RCOR3: variants seen among roughly 807,000 people sequenced by gnomAD.
RCOR3 encodes the protein REST corepressor 3.
RCOR3 carries 13 observed loss-of-function variants against 64.1 expected under a neutral mutation model. The observed-to-expected ratio is 0.20, with a 90% CI of 0.13 to 0.32. RCOR3 has a LOEUF of 0.32. Among genes scored for constraint, RCOR3 ranks in the 10% least tolerant of loss-of-function variants. The pLI is 1.00. For missense variants in RCOR3, 489 were observed against 701.2 expected, an observed-to-expected ratio of 0.70 and a Z score of 3.42; for synonymous variants, 215 against 239.0, an observed-to-expected ratio of 0.90 and a Z score of 0.93.
chr1:211,263,709 C>G (rs1403568955), intron 2 of RCOR3, among the ~76,000 whole-genome samples: 1 of 152,070 alleles, frequency 6.6e-6, no homozygotes, highest in Non-Finnish European at 1.5e-5. Context: ...CTATTTTATT[C>G]TTATTTATAA....
At chr1:211,276,536 G>A (rs552754171) in intron 5 of RCOR3, 118 bp downstream of exon 5, 8 of 900,654 alleles carry the variant, frequency 8.9e-6, no homozygotes, top group South Asian at 7.8e-5. Flanking sequence ...AAAACTATTT[G>A]TAAGTAGGTA....
intron 5 of RCOR3, 53 bp downstream of exon 5, chr1:211,276,471 AC>A (rs1696967521): frequency 1.5e-6 from 2 of 1,375,132 alleles, no homozygotes; most frequent in South Asian, 1.4e-5. Flanking sequence ...ATCTTAAGCT[AC>A]TATTAAACAC....
chr1:211,265,277 A>G (rs1010396379), intron 2 of RCOR3, among the ~76,000 whole-genome samples: 8 of 152,238 alleles, frequency 5.3e-5, no homozygotes, highest in African/African-American at 1.9e-4. Context: ...TATAAATACT[A>G]CAGTGATGTG....
chr1:211,283,514 A>T (rs1156532458), intron 7 of RCOR3, among the ~76,000 whole-genome samples: 1 of 152,220 alleles, frequency 6.6e-6, no homozygotes, highest in Non-Finnish European at 1.5e-5. Context: ...TCAGACTTTT[A>T]AAATGTTCCA....
chr1:211,285,047 G>A (rs1422138170), intron 7 of RCOR3, among the ~76,000 whole-genome samples: 1 of 152,112 alleles, frequency 6.6e-6, no homozygotes, highest in Non-Finnish European at 1.5e-5. Flanking sequence ...CTTAAGGAGT[G>A]TGTACCTTGG....
intron 9 of RCOR3, among the ~76,000 whole-genome samples, chr1:211,300,912 G>A (rs112932806): frequency 7.6e-5 from 9 of 118,986 alleles, no homozygotes; most frequent in South Asian, 2.8e-4. Flanking sequence ...GTGTATGCGT[G>A]CGTGCGTGTG....
rs1693782543 is a variant in RCOR3 at position 211,259,484 on chromosome 1, C to T, written c.-77C>T. ...CCTCCTCCTCCTCCTTTCCCTCCCGCCCGCGCTCTAAGCCATCTCCGCCTT... is the reference window on the plus strand; with the variant it reads ...CCTCCTCCTCCTCCTTTCCCTCCCGTCCGCGCTCTAAGCCATCTCCGCCTT... On this transcript the variant is annotated 5_prime_UTR_variant, in exon 1 of 12. Transcript: ENST00000419091. 6.9e-7 allele frequency: 1 copy of T among 1,452,148 alleles called. No homozygotes were observed. Among genetic ancestry groups the T allele is most frequent in the Non-Finnish European group, 9.3e-7 (1 of 1,079,292 alleles). 90.0% of individuals were successfully genotyped at this position (1,452,148 alleles called of 1,614,324 possible). A position where few individuals can be genotyped will look rare whatever the true frequency, so the allele number is the denominator to read the frequency against.
chr1:211,259,749 C>G (rs1166840693), intron 1 of RCOR3, 23 bp downstream of exon 1: 1 of 1,451,272 alleles, frequency 6.9e-7, no homozygotes, highest in South Asian at 1.4e-5. Flanking sequence ...AACTCCTCCC[C>G]GCCAGCCCGC....
chr1:211,267,905 CT>C, intron 2 of RCOR3: 1 of 364,104 alleles, frequency 2.7e-6, no homozygotes, highest in South Asian at 2.0e-5. Context: ...TAGCTGTTAC[CT>C]TTTATGGGGA....
chr1:211,300,068 TTTC>T (rs1276851355), intron 9 of RCOR3, among the ~76,000 whole-genome samples: 4 of 101,788 alleles, frequency 3.9e-5, no homozygotes, highest in Non-Finnish European at 9.7e-5. Flanking sequence ...TTTTTCTTTC[TTTC>T]TTTTTTTTTT....
In RCOR3 at chr1:211,313,929, TC is replaced by T; in HGVS notation, c.*162del. The T allele has an allele frequency of 1.5e-6, 1 of 685,928 alleles. No homozygotes were observed. The highest frequency in any genetic ancestry group is 2.4e-6 in the Non-Finnish European group (1 of 417,546). The allele number at this position is 685,928 out of a possible 1,614,324, so 42.5% of individuals were successfully genotyped here. A position where few individuals can be genotyped will look rare whatever the true frequency, so the allele number is the denominator to read the frequency against. ...CATAAGTGGATGTCTAAGAAATTTTTCAGTTCACTAGACTAAAATGTTTTAC... is the reference window on the plus strand; with the variant it reads ...CATAAGTGGATGTCTAAGAAATTTTTAGTTCACTAGACTAAAATGTTTTAC... On this transcript the variant is annotated 3_prime_UTR_variant, in exon 12 of 12. Transcript: ENST00000419091. This position sits in a 1 kb window ranked among gnomAD's most constrained non-coding sequence, Gnocchi z 4.7.
At position 211,259,474 on chromosome 1, in the gene RCOR3, TTCCC is replaced by T. The variant is rs1693779045; in HGVS notation, c.-82_-79del. On this transcript the variant is annotated 5_prime_UTR_variant, in exon 1 of 12. Coordinates refer to ENST00000419091, the MANE Select transcript of RCOR3 (RefSeq NM_001136223.3). ...GCCGCCGTCTCCTCCTCCTCCTCCT[TTCCC>T]TCCCGCCCGCGCTCTAAGCCATCTC... is the stretch of plus-strand genomic sequence containing the variant. The T allele has an allele frequency of 7.5e-7, 1 of 1,336,448 alleles. No individual in the cohort carries two copies. The highest frequency in any genetic ancestry group is 1.6e-5 in the African/African-American group (1 of 63,312). The allele number at this position is 1,336,448 out of a possible 1,614,324, so 82.8% of individuals were successfully genotyped here.
rs187333255 is a variant in RCOR3, at chr1:211,308,332, T to C, written c.1075+4192T>C. On this transcript the variant is annotated intron_variant, in intron 10 of 11. Coordinates refer to ENST00000419091, the MANE Select transcript of RCOR3 (RefSeq NM_001136223.3). Reference sequence around the variant, plus strand: ...ACTTTTAGCCCCTTCCATGTATACATCAGTCACTGTTCTGCTGCTATTGCT... The same window carrying C: ...ACTTTTAGCCCCTTCCATGTATACACCAGTCACTGTTCTGCTGCTATTGCT... Among the ~76,000 whole-genome samples, 12 of 152,302 alleles carry C rather than the reference T, an allele frequency of 7.9e-5. No individual in the cohort carries two copies. The East Asian group carries it at 2.3e-3, about 29-fold the overall frequency.
chr1:211,289,272 A>C lies in RCOR3; in HGVS notation c.815A>C (p.Lys272Thr). The stretch of plus-strand genomic sequence containing the variant: ...CATCGCCATCATTCTCAGCGTTCTA[A>C]GTGCCGTCCACCTAAGGGCATGTAT... ...LQHRHHSQRSKCRPPKGMYLT... is the reference protein window; with the variant it reads ...LQHRHHSQRSTCRPPKGMYLT... The change falls in exon 8 of 12, where the codon AAG becomes ACG. Residue 272 changes from lysine to threonine, a missense_variant. Physicochemically the swap from Lys to Thr is moderately conservative, Grantham distance 78 (BLOSUM62 -1). Transcript: ENST00000419091. The C allele has an allele frequency of 6.2e-7, 1 of 1,614,142 alleles. No homozygotes were observed. Among genetic ancestry groups the C allele is most frequent in the Non-Finnish European group, 8.5e-7 (1 of 1,180,024 alleles).
intron 2 of RCOR3, among the ~76,000 whole-genome samples, chr1:211,269,834 A>G (rs1350255593): frequency 6.6e-6 from 1 of 152,004 alleles, no homozygotes; most frequent in Non-Finnish European, 1.5e-5. Context: ...AAAATATTAG[A>G]AATAAATTAG....
At chr1:211,309,997 A>G (rs1002015361) in intron 10 of RCOR3, among the ~76,000 whole-genome samples, 2 of 152,218 alleles carry the variant, frequency 1.3e-5, no homozygotes, top group Non-Finnish European at 2.9e-5. Context: ...TGTGAAGGTG[A>G]TGAAGAATTC....
chr1:211,267,921 T>A, intron 2 of RCOR3: 1 of 351,840 alleles, frequency 2.8e-6, no homozygotes, highest in East Asian at 1.2e-4. Context: ...TGGGGAAAAA[T>A]TTAAAAAAAG....
At chr1:211,284,345 G>A (rs1277006086) in intron 7 of RCOR3, among the ~76,000 whole-genome samples, 2 of 152,100 alleles carry the variant, frequency 1.3e-5, no homozygotes, top group Non-Finnish European at 2.9e-5. Context: ...CTCCCAAAGT[G>A]CTGGGATTAC....
chr1:211,290,465 A>T (rs1558084741), intron 8 of RCOR3, among the ~76,000 whole-genome samples: 2 of 152,242 alleles, frequency 1.3e-5, no homozygotes, highest in South Asian at 4.1e-4. Context: ...TTATCTCATC[A>T]CTACTGCCCA....
Sources: gnomAD v4.1 joint callset for allele counts (sites outside exome capture counted in the v4.1 genomes callset) on GRCh38, gnomAD v4.1.1 for gene constraint, Gnocchi (gnomAD v3.1) non-coding constraint, MANE v1.5 for transcripts, NCBI Gene and HGNC (gene_info 2026-07-23, HGNC 2026-07-21) for gene names.